Variants in STPG2 observed in about 807,000 individuals in gnomAD.
STPG2 encodes sperm tail PG-rich repeat containing 2.
STPG2 carries 56 observed loss-of-function variants against 54.2 expected under a neutral mutation model. The observed-to-expected ratio is 1.03, with a 90% CI of 0.83 to 1.29. The LOEUF (loss-of-function observed/expected upper bound fraction) is 1.29, where lower values mean the gene tolerates loss of function less well. Among genes scored for constraint, STPG2 ranks in the 50% most tolerant of loss-of-function variants. The pLI is 0.00. For missense variants in STPG2, 596 were observed against 544.9 expected (o/e 1.09, Z -0.93); for synonymous variants, 200 against 181.8 (o/e 1.10, Z -0.81).
rs532127793 is a variant in STPG2 at position 97,475,240 on chromosome 4, C to T, written c.462+237459G>A. Among the ~76,000 whole-genome samples the T allele has an allele frequency of 6.8e-4, 103 of 151,866 alleles. 1 individual carries two copies. The South Asian group carries it at 0.019, about 28-fold the overall frequency. ...TGTTTTCATTCTTTATTTTGCCAAA[C>T]TTTTGTTGAAAACAGTATATAATTG... On this transcript the variant is annotated intron_variant, in intron 4 of 4. Transcript: ENST00000522676.
chr4:97,766,358 T>A (rs914089941), intron 9 of STPG2, among the ~76,000 whole-genome samples: 1 of 152,092 alleles, frequency 6.6e-6, no homozygotes, highest in African/African-American at 2.4e-5. Context: ...TTGAGAAACA[T>A]GTTATTCCCA....
rs546500122 is a variant in STPG2 at position 97,866,667 on chromosome 4, CT to C, written c.1045-25736del. Among the ~76,000 whole-genome samples, 31 of 151,844 alleles carry C rather than the reference CT, an allele frequency of 2.0e-4. No individual in the cohort carries two copies. The East Asian group carries it at 5.4e-3, about 27-fold the overall frequency. The stretch of plus-strand genomic sequence containing the variant: ...TACAGAATATAGATGGGATCATAAA[CT>C]TTTTTTTCAACTTTCTTCTGCTCTG... On this transcript the variant is annotated intron_variant, in intron 8 of 10. Transcript: ENST00000295268.
At chr4:97,931,252 G>A (rs1732535604) in intron 8 of STPG2, among the ~76,000 whole-genome samples, 1 of 152,164 alleles carries the variant, frequency 6.6e-6, no homozygotes, top group South Asian at 2.1e-4. Flanking sequence ...AAGCTTCCTT[G>A]TCTTGTGACA....
rs531937368 is a variant in STPG2, at chr4:97,477,564, C to T, written c.462+235135G>A. ...CGATCTCGGCTCACTGCAAGCTCCG[C>T]CTCCCAGGTTCACGCCATCCTCCTG... is the stretch of plus-strand genomic sequence containing the variant. On this transcript the variant is annotated intron_variant, in intron 4 of 4. Transcript: ENST00000522676. Among the ~76,000 whole-genome samples the T allele has an allele frequency of 1.6e-3, 244 of 151,020 alleles. 1 individual carries two copies. The highest frequency in any genetic ancestry group is 5.0e-3 in the African/African-American group (207 of 41,178).
intron 4 of STPG2, among the ~76,000 whole-genome samples, chr4:97,512,193 TA>T (rs1034540410): frequency 2.0e-5 from 3 of 151,942 alleles, no homozygotes; most frequent in Non-Finnish European, 4.4e-5. Flanking sequence ...CAGGCCATTA[TA>T]AAAATCTAGG....
At chr4:97,505,272 C>A (rs1310874883) in intron 4 of STPG2, among the ~76,000 whole-genome samples, 1 of 151,804 alleles carries the variant, frequency 6.6e-6, no homozygotes, top group Non-Finnish European at 1.5e-5. Context: ...GCATTCCTAC[C>A]ATTTTTATCA....
chr4:97,746,934 T>C (rs1426210369), intron 9 of STPG2, among the ~76,000 whole-genome samples: 1 of 150,942 alleles, frequency 6.6e-6, no homozygotes, highest in East Asian at 1.9e-4. Flanking sequence ...TCGGTAAATA[T>C]ATGCTAAATG....
chr4:97,518,978 T>G (rs547418226), intron 4 of STPG2, among the ~76,000 whole-genome samples: 4 of 152,210 alleles, frequency 2.6e-5, no homozygotes, highest in African/African-American at 9.6e-5. Flanking sequence ...TTCTTCTTAT[T>G]CTATGAATGA....
intron 10 of STPG2, among the ~76,000 whole-genome samples, chr4:97,700,430 G>C (rs1723733892): frequency 6.6e-6 from 1 of 152,148 alleles, no homozygotes; most frequent in Admixed American, 6.6e-5. Context: ...CCACTTTCTT[G>C]GTTGTAGAAG....
At chr4:97,757,355 T>C (rs1265256683) in intron 9 of STPG2, among the ~76,000 whole-genome samples, 1 of 152,182 alleles carries the variant, frequency 6.6e-6, no homozygotes. Context: ...AAATGCATTT[T>C]CTCATTTTAT....
At chr4:98,025,677 C>T (rs899797083) in intron 5 of STPG2, 51 of 1,063,242 alleles carry the variant, frequency 4.8e-5, no homozygotes, top group East Asian at 4.5e-4. Flanking sequence ...TATGTTGCAG[C>T]GTATTGTACT....
chr4:97,588,389 A>G (rs1733052743), intron 10 of STPG2, among the ~76,000 whole-genome samples: 1 of 152,260 alleles, frequency 6.6e-6, no homozygotes, highest in East Asian at 1.9e-4. Context: ...AAGAGCTTAT[A>G]CATCCAATTG....
At chr4:97,758,793 T>TA (rs1176527509) in intron 9 of STPG2, among the ~76,000 whole-genome samples, 4 of 152,006 alleles carry the variant, frequency 2.6e-5, no homozygotes, top group Admixed American at 1.3e-4. Context: ...AGTAAAATTT[T>TA]AAAAAAATGA....
At chr4:97,661,986 C>T (rs1722387503) in intron 10 of STPG2, among the ~76,000 whole-genome samples, 1 of 152,038 alleles carries the variant, frequency 6.6e-6, no homozygotes, top group Non-Finnish European at 1.5e-5. Context: ...GATTTTGTAT[C>T]CTGAAACTTT....
At chr4:97,876,398 T>G (rs1385436972) in intron 8 of STPG2, among the ~76,000 whole-genome samples, 1 of 152,102 alleles carries the variant, frequency 6.6e-6, no homozygotes, top group Non-Finnish European at 1.5e-5. Context: ...ACTTTGTTAA[T>G]GCTTCTTTTA....
intron 10 of STPG2, among the ~76,000 whole-genome samples, chr4:97,642,780 A>G (rs1269105169): frequency 6.6e-6 from 1 of 151,536 alleles, no homozygotes; most frequent in African/African-American, 2.4e-5. Context: ...AAGAAAATTC[A>G]TGTTATATAT....
intron 3 of STPG2, among the ~76,000 whole-genome samples, chr4:98,120,965 A>C (rs998033231): frequency 6.6e-6 from 1 of 152,152 alleles, no homozygotes; most frequent in African/African-American, 2.4e-5. Flanking sequence ...TTCTGTCATG[A>C]AATTTTTGCC....
At chr4:98,109,542 T>C (rs1256087355) in intron 3 of STPG2, among the ~76,000 whole-genome samples, 2 of 152,162 alleles carry the variant, frequency 1.3e-5, no homozygotes, top group East Asian at 3.8e-4. Flanking sequence ...CATTAGCATA[T>C]TCTCAACCAA....
chr4:97,475,458 GTA>G (rs1356062944), intron 4 of STPG2, among the ~76,000 whole-genome samples: 2 of 148,944 alleles, frequency 1.3e-5, no homozygotes, highest in African/African-American at 2.5e-5. Flanking sequence ...TAACATATAT[GTA>G]TATATGTTAT....
Sources: gnomAD v4.1 joint callset for allele counts (sites outside exome capture counted in the v4.1 genomes callset) on GRCh38, gnomAD v4.1.1 for gene constraint, MANE v1.5 for transcripts, NCBI Gene and HGNC (gene_info 2026-07-23, HGNC 2026-07-21) for gene names.